Variants in RIF1 observed in about 807,000 individuals in gnomAD.
RIF1 encodes telomere-associated protein RIF1.
Under a neutral mutation model 247.1 loss-of-function variants are expected in RIF1, and 45 were observed. The ratio of observed to expected loss-of-function variants is 0.18; its 90% CI spans 0.14 to 0.23. The LOEUF (loss-of-function observed/expected upper bound fraction) is 0.23. RIF1 is among the 10% of genes least tolerant of loss of function. The pLI is 1.00. For synonymous variants in RIF1, 1,087 were observed against 978.8 expected, an observed-to-expected ratio of 1.11 and a Z score of -2.06; for missense variants, 2,967 against 2,862.5, an observed-to-expected ratio of 1.04 and a Z score of -0.83.
intron 11 of RIF1, among the ~76,000 whole-genome samples, chr2:151,500,471 A>C (rs949906522): frequency 6.6e-6 from 1 of 152,134 alleles, no homozygotes; most frequent in Non-Finnish European, 1.5e-5. Context: ...ATATTAATAA[A>C]AGATAACATT....
At position 151,465,945 on chromosome 2, in the gene RIF1, A is replaced by G. The variant is rs1199973964; in HGVS notation, c.6425A>G (p.Asn2142Ser). ...AISELIIEDNNASPQKLRELD... is the reference protein window; with the variant it reads ...AISELIIEDNSASPQKLRELD... ...TCTGAGCTAATAATAGAAGACAATA[A>G]TGCATCTCCTCAAAAACTAAGGGAA... Residue 2142 changes from asparagine (N) to serine (S), a missense_variant, in exon 30 of 36, where the codon AAT becomes AGT. Physicochemically the swap from Asn to Ser is conservative, Grantham distance 46. Around this residue, in one of 7 missense-constraint regions of RIF1, gnomAD observed 2,028 missense variants for 1,825.6 expected, o/e 1.11. Transcript: ENST00000444746. 6.2e-7 allele frequency: 1 copy of G among 1,614,068 alleles called. No individual in the cohort carries two copies. The highest frequency in any genetic ancestry group is 8.5e-7 in the Non-Finnish European group (1 of 1,180,010).
Position 151,451,672 on chromosome 2 carries a change from C to T in RIF1, c.2311C>T (p.Pro771Ser), listed in dbSNP as rs2152438014. 2 of 1,461,660 alleles carry T rather than the reference C, an allele frequency of 1.4e-6. No homozygotes were observed. Among genetic ancestry groups the T allele is most frequent in the Non-Finnish European group, 1.9e-6 (2 of 1,042,930 alleles). 90.5% of individuals were successfully genotyped at this position (1,461,660 alleles called of 1,614,324 possible). A position where few individuals can be genotyped will look rare whatever the true frequency, so the allele number is the denominator to read the frequency against. The change falls in exon 21 of 36, where the codon CCA (proline) becomes TCA (serine). Residue 771 changes from proline to serine, a missense_variant. Pro to Ser is a moderately conservative substitution (Grantham distance 74). This residue lies in a region of RIF1 where 2,028 missense variants were observed against 1,825.6 expected (regional missense o/e 1.11). Transcript: ENST00000444746. ...AATGGTTGATTGCATTGACTTCTCA[C>T]CATATAATATTAAATATCAGCCCAA... ...TVMVDCIDFS[P>S]YNIKYQPKVK...
chr2:151,471,380 C>G (rs1697801097), intron 34 of RIF1, among the ~76,000 whole-genome samples: 1 of 152,228 alleles, frequency 6.6e-6, no homozygotes, highest in South Asian at 2.1e-4. Flanking sequence ...TTAGTTAGAT[C>G]CCATTTGTCA....
At chr2:151,444,251 A>G (rs944441440) in intron 18 of RIF1, among the ~76,000 whole-genome samples, 1 of 152,202 alleles carries the variant, frequency 6.6e-6, no homozygotes, top group African/African-American at 2.4e-5. Context: ...AAATGGGAAT[A>G]TGCATTCTCT....
At chr2:151,410,382 T>C in intron 1 of RIF1, 32 bp from the exon 2 acceptor site, 1 of 1,571,558 alleles carries the variant, frequency 6.4e-7, no homozygotes, top group Non-Finnish European at 8.7e-7. Context: ...CATCGGTCAC[T>C]GGATTTTCTC....
chr2:151,412,001 A>C (rs1374962248), intron 3 of RIF1, among the ~76,000 whole-genome samples: 1 of 152,222 alleles, frequency 6.6e-6, no homozygotes, highest in African/African-American at 2.4e-5. Context: ...TCCTTTTGGG[A>C]ATCTACATCT....
chr2:151,531,897 CT>C, the RIF1 span: 1 of 1,537,652 alleles, frequency 6.5e-7, no homozygotes, highest in Non-Finnish European at 8.8e-7. Context: ...TGTATTTGAT[CT>C]AAATTGTGGA....
chr2:151,440,666 G>A (rs746807585), intron 15 of RIF1, among the ~76,000 whole-genome samples: 4 of 152,138 alleles, frequency 2.6e-5, no homozygotes, highest in Non-Finnish European at 5.9e-5. Context: ...TATTTTGATA[G>A]TTACTTGTTC....
chr2:151,508,891 AT>A (rs1411210266), downstream of RIF1, among the ~76,000 whole-genome samples: 2 of 152,152 alleles, frequency 1.3e-5, no homozygotes, highest in African/African-American at 4.8e-5. Context: ...CAAACTGATG[AT>A]TGTTTTTATT....
At chr2:151,503,340 T>C (rs1240470044) in intron 12 of RIF1, 2 of 1,579,412 alleles carry the variant, frequency 1.3e-6, no homozygotes, top group Non-Finnish European at 8.7e-7. Flanking sequence ...ATGATATATT[T>C]GTAAATACCG....
At chr2:151,489,815 T>C (rs2054633829) in intron 9 of RIF1, among the ~76,000 whole-genome samples, 2 of 152,036 alleles carry the variant, frequency 1.3e-5, no homozygotes, top group Admixed American at 1.3e-4. Context: ...ATAATGAAAG[T>C]TTTCTGATAT....
Position 151,480,429 on chromosome 2 carries a change from A to G in RIF1, c.*5358A>G, listed in dbSNP as rs2049118403. The G allele has an allele frequency of 6.6e-6, 1 of 152,182 alleles. No individual in the cohort carries two copies. Among genetic ancestry groups the G allele is most frequent in the African/African-American group, 2.4e-5 (1 of 41,444 alleles). The allele number at this position is 152,182 out of a possible 1,614,324, so 9.4% of individuals were successfully genotyped here. ...GAGCTGGAATTTTAATGCATAGTAC[A>G]TTTAGTAGAGAGACAAGCTGTCCTA... On this transcript the variant is annotated 3_prime_UTR_variant, in exon 36 of 36. Coordinates refer to ENST00000444746, the MANE Select transcript of RIF1 (RefSeq NM_018151.5).
rs1559002529 is a variant in RIF1, at chr2:151,458,225, G to GT, written c.2855+262_2855+263insT. ...GAGACAAGGAGGACAGGAAATAGAT[G>GT]ATTTTTTTTTTTTTTTTTTTTTTTT... On this transcript the variant is annotated intron_variant, in intron 24 of 35. Coordinates refer to ENST00000444746, the MANE Select transcript of RIF1 (RefSeq NM_018151.5). Among the ~76,000 whole-genome samples the GT allele has an allele frequency of 2.3e-3, 263 of 115,204 alleles. 7 individuals carry two copies. Among genetic ancestry groups the GT allele is most frequent in the African/African-American group, 7.3e-3 (246 of 33,554 alleles). 75.6% of individuals were successfully genotyped at this position (115,204 alleles called of 152,430 possible). A position where few individuals can be genotyped will look rare whatever the true frequency, so the allele number is the denominator to read the frequency against.
intron 12 of RIF1, chr2:151,503,290 G>T: frequency 8.1e-7 from 1 of 1,237,846 alleles, no homozygotes; most frequent in Non-Finnish European, 1.2e-6. Flanking sequence ...AAAAAAGATG[G>T]GTTATTGTGG....
At position 151,494,184 on chromosome 2, in the gene RIF1, G is replaced by A. The variant is rs765313781; in HGVS notation, c.*416-1045G>A. ...ACCGAGCTAATGTTTTCTTGATTGC[G>A]TTTGACTCTCTGCATCTCAGGAGTG... On this transcript the variant is annotated intron_variant and NMD_transcript_variant, in intron 9 of 13. Coordinates refer to the RIF1 transcript ENST00000454583. 8.1e-6 allele frequency: 13 copies of A among 1,607,522 alleles called. No individual in the cohort carries two copies. Among genetic ancestry groups the A allele is most frequent in the South Asian group, 4.5e-5 (4 of 89,644 alleles).
chr2:151,459,816 C>T (rs1273143943), intron 25 of RIF1, among the ~76,000 whole-genome samples, 184 bp from the exon 26 acceptor site: 1 of 152,110 alleles, frequency 6.6e-6, no homozygotes, highest in Non-Finnish European at 1.5e-5. Context: ...AAAGAGACAC[C>T]AAAGCCATTT....
intron 21 of RIF1, among the ~76,000 whole-genome samples, chr2:151,454,473 C>A (rs1299620624): frequency 6.6e-6 from 1 of 151,908 alleles, no homozygotes; most frequent in Non-Finnish European, 1.5e-5. Flanking sequence ...AAAAATGGTC[C>A]GTCATTCTTA....
chr2:151,496,411 A>G (rs1273723665), intron 10 of RIF1: 4 of 1,564,630 alleles, frequency 2.6e-6, no homozygotes, highest in Non-Finnish European at 3.5e-6. Flanking sequence ...CATGAGTAAC[A>G]TTTCATTTGT....
chr2:151,468,357 A>G, intron 31 of RIF1, 117 bp from the exon 32 acceptor site: 1 of 925,202 alleles, frequency 1.1e-6, no homozygotes, highest in Non-Finnish European at 1.7e-6. Context: ...GTAGTAGATT[A>G]CTCTTTTTAT....
Sources: gnomAD v4.1 joint callset for allele counts (sites outside exome capture counted in the v4.1 genomes callset) on GRCh38, gnomAD v4.1.1 for gene constraint, gnomAD v4.1.1 regional missense constraint, MANE v1.5 for transcripts, NCBI Gene and HGNC (gene_info 2026-07-23, HGNC 2026-07-21) for gene names.